Variants in ARMC2 observed in about 807,000 individuals in gnomAD.
The protein encoded by ARMC2 is armadillo repeat-containing protein 2.
A neutral mutation model predicts 90.3 loss-of-function variants in ARMC2; 67 were observed. That is an observed-to-expected ratio of 0.74 (90% CI 0.61 to 0.91). The LOEUF (loss-of-function observed/expected upper bound fraction) is 0.91, where lower values mean the gene tolerates loss of function less well. ARMC2 is among the 40% of genes least tolerant of loss of function. The pLI is 0.00. For missense variants in ARMC2, 920 were observed against 1,030.9 expected (o/e 0.89, Z 1.47); for synonymous variants, 393 against 393.0 (o/e 1.00, Z 0.00).
In ARMC2 at chr6:108,918,351, G is replaced by A. The variant is rs75416186; in HGVS notation, c.1350+5793G>A. On this transcript the variant is annotated intron_variant, in intron 10 of 17. Coordinates refer to ENST00000392644, the MANE Select transcript of ARMC2 (RefSeq NM_032131.6). ...GGATCCCACCACTTTGTTTGGAGCC[G>A]TGCGAATAGGCGAGCGAGGGGTGTG... Among the ~76,000 whole-genome samples the A allele has an allele frequency of 7.8e-3, 1,182 of 152,304 alleles. 15 individuals carry two copies. The highest frequency in any genetic ancestry group is 0.028 in the African/African-American group (1,152 of 41,568).
rs969309690 is a variant in ARMC2 at position 108,856,641 on chromosome 6, G to T, written c.219-1558G>T. The T allele has an allele frequency of 2.3e-5, 4 of 176,468 alleles. No individual in the cohort carries two copies. In the East Asian group the frequency reaches 4.9e-4, roughly 22 times the overall value. 10.9% of individuals were successfully genotyped at this position (176,468 alleles called of 1,614,324 possible). A position where few individuals can be genotyped will look rare whatever the true frequency, so the allele number is the denominator to read the frequency against. ...GCTTTGACAGCTTCGCAAATTCCTT[G>T]TGCTAGGCTGACCTGGATGAGAGTG... On this transcript the variant is annotated intron_variant, in intron 2 of 17. Coordinates refer to ENST00000392644, the MANE Select transcript of ARMC2 (RefSeq NM_032131.6).
chr6:108,920,357 A>G (rs958256333), intron 10 of ARMC2, among the ~76,000 whole-genome samples: 2 of 151,782 alleles, frequency 1.3e-5, no homozygotes, highest in Admixed American at 6.6e-5. Flanking sequence ...TTTTTTAATG[A>G]TGTATTTGTT....
rs572803923 is a variant in ARMC2 at position 108,963,973 on chromosome 6, G to A, written c.2153-207G>A. Among the ~76,000 whole-genome samples, 5 of 152,302 alleles carry A rather than the reference G, an allele frequency of 3.3e-5. No individual in the cohort carries two copies. In the East Asian group the frequency reaches 7.7e-4, roughly 24 times the overall value. ...TGGGTCAGGTTTTGCAGTATCTGTC[G>A]ATTGGGGGAGCCAACTCTGGGAGTG... On this transcript the variant is annotated intron_variant, in intron 15 of 17. Coordinates refer to ENST00000392644, the MANE Select transcript of ARMC2 (RefSeq NM_032131.6).
intron 4 of ARMC2, among the ~76,000 whole-genome samples, chr6:108,869,524 A>G (rs1189181676): frequency 6.6e-6 from 1 of 152,196 alleles, no homozygotes; most frequent in Non-Finnish European, 1.5e-5. Flanking sequence ...GAAAAAAAAG[A>G]ATATTAGGAT....
chr6:108,932,736 G>A (rs1206726851), intron 11 of ARMC2, among the ~76,000 whole-genome samples: 1 of 151,892 alleles, frequency 6.6e-6, no homozygotes, highest in African/African-American at 2.4e-5. Flanking sequence ...CACTGTGTTA[G>A]CCAGGATGGT....
At chr6:108,854,996 C>T (rs955557457) in intron 2 of ARMC2, among the ~76,000 whole-genome samples, 1 of 152,176 alleles carries the variant, frequency 6.6e-6, no homozygotes, top group Non-Finnish European at 1.5e-5. Context: ...AGTATGTCAC[C>T]TTTTCAGATT....
intron 17 of ARMC2, among the ~76,000 whole-genome samples, chr6:108,971,661 G>A (rs1186720472): frequency 6.6e-6 from 1 of 152,006 alleles, no homozygotes; most frequent in African/African-American, 2.4e-5. Flanking sequence ...AGTGGCTCAC[G>A]CCTGTAACCT....
At chr6:108,938,598 CCTTT>C (rs1776161147) in intron 12 of ARMC2, among the ~76,000 whole-genome samples, 1 of 52,338 alleles carries the variant, frequency 1.9e-5, no homozygotes, top group Non-Finnish European at 4.1e-5. Context: ...CCCATTACTA[CCTTT>C]TTTTTTTTTT....
Position 108,904,657 on chromosome 6 carries a change from AAAAG to A in ARMC2, c.1023+255_1023+258del, listed in dbSNP as rs796749386. Among the ~76,000 whole-genome samples, 187 of 151,102 alleles carry A rather than the reference AAAAG, an allele frequency of 1.2e-3. 5 individuals carry two copies. In the South Asian group the frequency reaches 0.038, roughly 31 times the overall value. On this transcript the variant is annotated intron_variant, in intron 8 of 17. Coordinates refer to ENST00000392644, the MANE Select transcript of ARMC2 (RefSeq NM_032131.6). ...GACTGCAACTAAGTTAAAAAAAAAAAAAAGAAGAAGAAGAAGGAAGGAAGGAAAG... is the reference window on the plus strand; with the variant it reads ...GACTGCAACTAAGTTAAAAAAAAAAAAAGAAGAAGAAGGAAGGAAGGAAAG...
intron 6 of ARMC2, among the ~76,000 whole-genome samples, chr6:108,896,819 A>C (rs1246197584): frequency 2.0e-5 from 3 of 152,192 alleles, no homozygotes; most frequent in Non-Finnish European, 4.4e-5. Context: ...ATAGGAGGTA[A>C]AAAATGCAGA....
the ARMC2 span, among the ~76,000 whole-genome samples, chr6:109,029,009 A>G: frequency 3.3e-5 from 5 of 152,216 alleles, no homozygotes; most frequent in African/African-American, 1.2e-4. Flanking sequence ...TTCACTTCAT[A>G]AGTATAAAAT....
the ARMC2 span, among the ~76,000 whole-genome samples, chr6:109,046,771 C>G: frequency 2.2e-5 from 3 of 139,118 alleles, no homozygotes; most frequent in African/African-American, 5.3e-5. Context: ...TCTGCCCGGC[C>G]GAGACCCCGT....
the ARMC2 span, among the ~76,000 whole-genome samples, chr6:108,995,083 C>A: frequency 2.0e-5 from 3 of 151,764 alleles, no homozygotes; most frequent in African/African-American, 7.3e-5. Context: ...ACTACTTTGG[C>A]CTATTAGGAA....
intron 17 of ARMC2, among the ~76,000 whole-genome samples, chr6:108,972,403 C>T (rs1778821203): frequency 6.6e-6 from 1 of 152,196 alleles, no homozygotes; most frequent in South Asian, 2.1e-4. Flanking sequence ...TTCCAAAGTA[C>T]TACTTCCCTG....
Position 108,875,464 on chromosome 6 carries a change from T to G in ARMC2, c.464-679T>G, listed in dbSNP as rs116222669. Among the ~76,000 whole-genome samples the G allele has an allele frequency of 4.2e-3, 638 of 152,190 alleles. 3 individuals are homozygous for G. Among genetic ancestry groups the G allele is most frequent in the African/African-American group, 0.014 (598 of 41,524 alleles). ...AAGAGTCCCCCACTTCAGCCTACCT[T>G]AGAGCCTCCATACCAGCTGGTCTCT... On this transcript the variant is annotated intron_variant, in intron 4 of 17. Coordinates refer to ENST00000392644, the MANE Select transcript of ARMC2 (RefSeq NM_032131.6).
chr6:108,869,023 CTG>C (rs1776117335), intron 4 of ARMC2, 28 bp downstream of exon 4: 1 of 1,562,328 alleles, frequency 6.4e-7, no homozygotes, highest in Non-Finnish European at 8.7e-7. Context: ...CCTGTAATCT[CTG>C]GGGACAGGCA....
the ARMC2 span, chr6:108,998,656 CGA>C: frequency 1.2e-6 from 2 of 1,613,538 alleles, no homozygotes; most frequent in Non-Finnish European, 1.7e-6. Context: ...ATTCCACAGC[CGA>C]ATGTGAATGA....
intron 12 of ARMC2, among the ~76,000 whole-genome samples, chr6:108,940,600 G>A (rs2128495320): frequency 6.6e-6 from 1 of 152,300 alleles, no homozygotes; most frequent in African/African-American, 2.4e-5. Context: ...GAGAAGGGAA[G>A]ATGGAGCTGC....
At chr6:109,009,663 A>G in the ARMC2 span, 1 of 608,438 alleles carries the variant, frequency 1.6e-6, no homozygotes, top group South Asian at 7.4e-5. Flanking sequence ...GTCCCCGCAA[A>G]GCACCGCCCC....
Sources: allele counts gnomAD v4.1 joint callset (sites outside exome capture counted in the v4.1 genomes callset), GRCh38; gene constraint gnomAD v4.1.1; transcripts MANE v1.5; gene names NCBI Gene and HGNC (gene_info 2026-07-23, HGNC 2026-07-21).